Variants in PCDHGA3 observed in about 807,000 individuals in gnomAD.
PCDHGA3 encodes the protein protocadherin gamma subfamily A, 3, also known as protocadherin gamma-A3.
In PCDHGA3, 40 loss-of-function variants were observed where a neutral mutation model predicts 58.5. The observed-to-expected ratio is 0.68, with a 90% CI of 0.53 to 0.89. The LOEUF (loss-of-function observed/expected upper bound fraction) is 0.89. Ranked by LOEUF, PCDHGA3 falls within the 40% of genes least tolerant of loss-of-function variation. The probability of loss-of-function intolerance (pLI) is 0.00; values close to 1 mark genes in which losing one functional copy is unlikely to be tolerated. For missense variants in PCDHGA3, 1,223 were observed against 1,195.9 expected (o/e 1.02, Z -0.33); for synonymous variants, 530 against 525.7 (o/e 1.01, Z -0.11).
At chr5:141,420,887 G>C (rs2096530920) in intron 1 of PCDHGA3, among the ~76,000 whole-genome samples, 1 of 152,204 alleles carries the variant, frequency 6.6e-6, no homozygotes, top group African/African-American at 2.4e-5. Context: ...GTGTATCATC[G>C]TTTTTAAGCT....
chr5:141,403,137 G>C (rs2094359580), intron 1 of PCDHGA3: 1 of 1,614,038 alleles, frequency 6.2e-7, no homozygotes, highest in Non-Finnish European at 8.5e-7. Flanking sequence ...CTGGCGGAGC[G>C]CCGAGTCCGC....
chr5:141,382,495 A>G (rs1778251368), intron 1 of PCDHGA3, among the ~76,000 whole-genome samples: 1 of 152,272 alleles, frequency 6.6e-6, no homozygotes, highest in African/African-American at 2.4e-5. Context: ...ACACCGGTCC[A>G]TGAACACTGT....
At chr5:141,356,018 C>T in intron 1 of PCDHGA3, 1 of 1,613,878 alleles carries the variant, frequency 6.2e-7, no homozygotes, top group Non-Finnish European at 8.5e-7. Context: ...GATGAAGGAG[C>T]CAATGGAGAC....
In PCDHGA3 at chr5:141,493,548, G is replaced by A. The variant is rs1243278355; in HGVS notation, c.2425-1259G>A. 3.9e-5 allele frequency among the ~76,000 whole-genome samples: 6 copies of A among 152,196 alleles called. No homozygotes were observed. ...AAACTTGGCCAGTTATCCTTTTGGA[G>A]ATTGAGTTCCCCCAGCTCCGTTTCC... On this transcript the variant is annotated intron_variant, in intron 1 of 3. Coordinates refer to ENST00000253812, the MANE Select transcript of PCDHGA3 (RefSeq NM_018916.4). This position sits in a 1 kb window ranked among gnomAD's most constrained non-coding sequence, Gnocchi z 4.3.
At chr5:141,505,245 A>G (rs530515894) in intron 2 of PCDHGA3, 148 bp from the exon 3 acceptor site, 294 of 1,430,832 alleles carry the variant, frequency 2.1e-4, no homozygotes, top group Admixed American at 1.8e-3. Flanking sequence ...GAAGGATTGT[A>G]GAAGTGCCTC....
At chr5:141,382,467 A>G (rs992224398) in intron 1 of PCDHGA3, among the ~76,000 whole-genome samples, 1 of 152,262 alleles carries the variant, frequency 6.6e-6, no homozygotes, top group Non-Finnish European at 1.5e-5. Flanking sequence ...TTTTTTAAAA[A>G]TTATCTAAGA....
chr5:141,404,984 C>A (rs779919758), intron 1 of PCDHGA3: 1 of 1,614,034 alleles, frequency 6.2e-7, no homozygotes, highest in Middle Eastern at 1.6e-4. Flanking sequence ...CCTGGGCAGT[C>A]TTCAGATCCC....
chr5:141,427,955 G>A (rs749241312), intron 1 of PCDHGA3: 1 of 1,587,202 alleles, frequency 6.3e-7, no homozygotes, highest in Non-Finnish European at 8.6e-7. Context: ...ATGACAATGT[G>A]CCGCGGGTGC....
chr5:141,417,659 A>G, intron 1 of PCDHGA3: 1 of 869,514 alleles, frequency 1.2e-6, no homozygotes, highest in Non-Finnish European at 1.7e-6. Context: ...CTAGCCTGGG[A>G]TTCCCTGCGC....
chr5:141,478,489 C>T (rs779457709), intron 1 of PCDHGA3: 99 of 1,613,162 alleles, frequency 6.1e-5, no homozygotes, highest in Non-Finnish European at 8.1e-5. Context: ...CGCTGCGGAG[C>T]TGTGATCCGG....
intron 1 of PCDHGA3, chr5:141,409,008 A>G (rs2095209237): frequency 6.2e-7 from 1 of 1,613,898 alleles, no homozygotes; most frequent in African/African-American, 1.3e-5. Context: ...GCCACTGACC[A>G]GGATGAGGGG....
In PCDHGA3 at chr5:141,366,241, G is replaced by T. The variant is rs762618712; in HGVS notation, c.2424+19784G>T. On this transcript the variant is annotated intron_variant, in intron 1 of 3. Transcript: ENST00000253812. ...CGCGAGCCCTGCTGGACAGAGACGC[G>T]CTCAAGCAGAGCCTCGTGGTGGCCG... The T allele has an allele frequency of 4.3e-6, 7 of 1,613,748 alleles. No individual in the cohort carries two copies. The South Asian group carries it at 5.5e-5, about 13-fold the overall frequency.
intron 1 of PCDHGA3, chr5:141,395,542 TTG>T (rs55729045): frequency 0.047 from 8,055 of 172,168 alleles, 192 homozygotes; most frequent in African/African-American, 0.072. Flanking sequence ...TTGCTATTGT[TTG>T]TGTGTGTGTG....
In PCDHGA3 at chr5:141,491,198, A is replaced by T. The variant is rs1344758185; in HGVS notation, c.2425-3609A>T. ...GTGGTCCTGGTGAGGGACAATGGTG[A>T]CCCTTCACTCTCCTCCACAGCCACA... On this transcript the variant is annotated intron_variant, in intron 1 of 3. Coordinates refer to ENST00000253812, the MANE Select transcript of PCDHGA3 (RefSeq NM_018916.4). This position sits in a 1 kb window ranked among gnomAD's most constrained non-coding sequence, Gnocchi z 6.9. 1.2e-6 allele frequency: 2 copies of T among 1,613,912 alleles called. No individual in the cohort carries two copies. The highest frequency in any genetic ancestry group is 1.3e-5 in the African/African-American group (1 of 74,866).
intron 1 of PCDHGA3, chr5:141,375,955 C>T: frequency 6.2e-7 from 1 of 1,613,498 alleles, no homozygotes; most frequent in Non-Finnish European, 8.5e-7. Context: ...TGCACACGGG[C>T]GAGGTGCGCA....
chr5:141,350,772 C>T (rs1258224944), intron 1 of PCDHGA3: 2 of 1,613,790 alleles, frequency 1.2e-6, no homozygotes, highest in African/African-American at 2.7e-5. Context: ...ACCATCAACC[C>T]CAATCAATAC....
At chr5:141,390,008 C>G in intron 1 of PCDHGA3, 1 of 1,614,038 alleles carries the variant, frequency 6.2e-7, no homozygotes, top group South Asian at 1.1e-5. Context: ...TGATTCTGGC[C>G]ATTGCCTTGC....
At chr5:141,387,156 A>C (rs1173690148) in intron 1 of PCDHGA3, among the ~76,000 whole-genome samples, 1 of 152,232 alleles carries the variant, frequency 6.6e-6, no homozygotes, top group Non-Finnish European at 1.5e-5. Flanking sequence ...GTGTATTTGA[A>C]GATAAGTATA....
At chr5:141,370,384 C>T (rs777134390) in intron 1 of PCDHGA3, 6 of 1,534,384 alleles carry the variant, frequency 3.9e-6, no homozygotes, top group Non-Finnish European at 5.2e-6. Context: ...GGCAAAGGCG[C>T]AGAGAGCGGG....
Sources: gnomAD v4.1 joint callset for allele counts (sites outside exome capture counted in the v4.1 genomes callset) on GRCh38, gnomAD v4.1.1 for gene constraint, Gnocchi (gnomAD v3.1) non-coding constraint, MANE v1.5 for transcripts, NCBI Gene and HGNC (gene_info 2026-07-23, HGNC 2026-07-21) for gene names.